The following LRP1B variants were observed in gnomAD, a reference collection of about 807,000 sequenced individuals.
The protein encoded by LRP1B is LDL receptor related protein 1B.
LRP1B carries 217 observed loss-of-function variants against 556.6 expected under a neutral mutation model. The ratio of observed to expected loss-of-function variants is 0.39; its 90% CI spans 0.35 to 0.44. LRP1B has a LOEUF of 0.44. LRP1B is among the 20% of genes least tolerant of loss of function. The pLI, the probability that LRP1B is intolerant of heterozygous loss-of-function variation, is 1.00. For missense variants in LRP1B, 5,053 were observed against 5,620.8 expected, an observed-to-expected ratio of 0.90 and a Z score of 3.23; for synonymous variants, 2,047 against 1,865.8, an observed-to-expected ratio of 1.10 and a Z score of -2.50.
At chr2:140,304,073 C>T (rs946695513) in intron 83 of LRP1B, among the ~76,000 whole-genome samples, 8 of 152,042 alleles carry the variant, frequency 5.3e-5, no homozygotes, top group East Asian at 3.9e-4. Context: ...TGGACATTTG[C>T]GTTGGTTCCA....
chr2:140,548,318 G>A (rs935842857), intron 43 of LRP1B, among the ~76,000 whole-genome samples: 15 of 152,130 alleles, frequency 9.9e-5, no homozygotes, highest in African/African-American at 2.9e-4. Context: ...ACTAATTTAA[G>A]TGTTTTACTA....
chr2:141,680,464 T>G (rs954282202), intron 2 of LRP1B, among the ~76,000 whole-genome samples: 1 of 152,120 alleles, frequency 6.6e-6, no homozygotes, highest in East Asian at 1.9e-4. Context: ...TAGGAAGAAA[T>G]GGAATTCTTC....
chr2:140,808,368 T>TA (rs997257491), intron 32 of LRP1B, among the ~76,000 whole-genome samples: 2 of 152,286 alleles, frequency 1.3e-5, no homozygotes, highest in Non-Finnish European at 2.9e-5. Flanking sequence ...ACAAAACATT[T>TA]AAAAAATAAT....
chr2:141,856,613 GTTTCT>G (rs1170237839), intron 1 of LRP1B, among the ~76,000 whole-genome samples: 3 of 152,040 alleles, frequency 2.0e-5, no homozygotes, highest in Non-Finnish European at 4.4e-5. Flanking sequence ...CAGAACTGAG[GTTTCT>G]TTTCTTGCAT....
intron 3 of LRP1B, among the ~76,000 whole-genome samples, chr2:141,260,678 T>C (rs980508399): frequency 6.6e-6 from 1 of 152,230 alleles, no homozygotes; most frequent in African/African-American, 2.4e-5. Flanking sequence ...TATAGTCAAA[T>C]AACTCACATT....
intron 25 of LRP1B, among the ~76,000 whole-genome samples, chr2:140,870,772 G>A (rs1178892661): frequency 2.6e-5 from 4 of 151,496 alleles, no homozygotes; most frequent in South Asian, 2.1e-4. Flanking sequence ...CTTGAAAATA[G>A]CAATTTGCTA....
At chr2:141,575,702 T>C (rs1332331374) in intron 2 of LRP1B, among the ~76,000 whole-genome samples, 1 of 151,510 alleles carries the variant, frequency 6.6e-6, no homozygotes, top group Non-Finnish European at 1.5e-5. Flanking sequence ...AATCTACTGA[T>C]CTAAGGTCTA....
At chr2:141,181,727 C>T (rs540236768) in intron 7 of LRP1B, among the ~76,000 whole-genome samples, 44 of 151,988 alleles carry the variant, frequency 2.9e-4, no homozygotes, top group Non-Finnish European at 3.5e-4. Context: ...CTGTTGTATT[C>T]CCAGGCTAAG....
chr2:141,605,860 T>C (rs1190358619), intron 2 of LRP1B, among the ~76,000 whole-genome samples: 2 of 152,206 alleles, frequency 1.3e-5, no homozygotes, highest in Non-Finnish European at 2.9e-5. Flanking sequence ...CATATGTTTT[T>C]CTTTCCGTCT....
chr2:141,022,431 C>T (rs912113686), intron 11 of LRP1B, among the ~76,000 whole-genome samples: 3 of 151,910 alleles, frequency 2.0e-5, no homozygotes, highest in Non-Finnish European at 2.9e-5. Flanking sequence ...TTGCAGAACA[C>T]AGCTTGAACA....
chr2:140,387,302 G>A (rs1395333815), intron 66 of LRP1B, among the ~76,000 whole-genome samples: 1 of 152,134 alleles, frequency 6.6e-6, no homozygotes, highest in Admixed American at 6.6e-5. Context: ...AAGCAAAAGT[G>A]ACTTAGGTAT....
chr2:140,701,573 T>A, intron 40 of LRP1B, 148 bp downstream of exon 40: 1 of 753,740 alleles, frequency 1.3e-6, no homozygotes, highest in Non-Finnish European at 2.1e-6. Context: ...ATTAGGCTAC[T>A]ATATGATACT....
At chr2:140,700,751 G>A in intron 40 of LRP1B, 130 bp from the exon 41 acceptor site, 66 of 932,854 alleles carry the variant, frequency 7.1e-5, no homozygotes, top group South Asian at 1.9e-4. Context: ...ATTTTAAGCT[G>A]GTCAATAAAA....
chr2:140,985,430 T>A (rs759892722), intron 17 of LRP1B, among the ~76,000 whole-genome samples: 6 of 151,122 alleles, frequency 4.0e-5, no homozygotes, highest in Non-Finnish European at 1.5e-5. Flanking sequence ...TTATGTAATC[T>A]AACCAGAGCG....
At chr2:140,975,606 T>G (rs1214181256) in intron 18 of LRP1B, among the ~76,000 whole-genome samples, 3 of 152,128 alleles carry the variant, frequency 2.0e-5, no homozygotes, top group African/African-American at 7.2e-5. Flanking sequence ...GAACAAGTTA[T>G]AGAAACTAAA....
intron 41 of LRP1B, among the ~76,000 whole-genome samples, chr2:140,645,200 CATA>C (rs1056795337): frequency 1.3e-5 from 2 of 151,984 alleles, no homozygotes; most frequent in Non-Finnish European, 2.9e-5. Context: ...GTGCCTCTGA[CATA>C]AAATGTTTTG....
intron 32 of LRP1B, among the ~76,000 whole-genome samples, chr2:140,794,911 C>A (rs558287566): frequency 1.3e-5 from 2 of 152,230 alleles, no homozygotes; most frequent in African/African-American, 2.4e-5. Context: ...CCGCACCCAG[C>A]CGGCCACTTT....
At chr2:141,641,333 A>G (rs1164721796) in intron 2 of LRP1B, among the ~76,000 whole-genome samples, 1 of 152,160 alleles carries the variant, frequency 6.6e-6, no homozygotes, top group Non-Finnish European at 1.5e-5. Flanking sequence ...ATATTATATG[A>G]TCTTCCAGTT....
intron 3 of LRP1B, among the ~76,000 whole-genome samples, chr2:141,457,460 C>A (rs1379802155): frequency 6.6e-6 from 1 of 151,974 alleles, no homozygotes; most frequent in Non-Finnish European, 1.5e-5. Flanking sequence ...GGAGAGAGAG[C>A]ATTAGGAAAA....
Sources: gnomAD v4.1 joint callset for allele counts (sites outside exome capture counted in the v4.1 genomes callset) on GRCh38, gnomAD v4.1.1 for gene constraint, MANE v1.5 for transcripts, NCBI Gene and HGNC (gene_info 2026-07-23, HGNC 2026-07-21) for gene names.